TMEM117: variants seen among roughly 807,000 people sequenced by gnomAD.
TMEM117 encodes the protein transmembrane protein 117.
A neutral mutation model predicts 52.4 loss-of-function variants in TMEM117; 27 were observed. That is an observed-to-expected ratio of 0.51 (90% confidence interval 0.38 to 0.71). The LOEUF is 0.71. Ranked by LOEUF, TMEM117 falls within the 30% of genes least tolerant of loss-of-function variation. The probability of loss-of-function intolerance (pLI) is 0.00; values close to 1 mark genes in which losing one functional copy is unlikely to be tolerated. For missense variants in TMEM117, 556 were observed against 630.5 expected (o/e 0.88, Z 1.26); for synonymous variants, 215 against 206.3 (o/e 1.04, Z -0.36).
chr12:43,810,257 G>A, the TMEM117 span, among the ~76,000 whole-genome samples: 13 of 152,198 alleles, frequency 8.5e-5, no homozygotes, highest in Non-Finnish European at 1.8e-4. Context: ...AACATGTCAT[G>A]TGGGGTAGGA....
At chr12:43,837,567 G>A (rs576076803) in intron 1 of TMEM117, among the ~76,000 whole-genome samples, 46 of 152,182 alleles carry the variant, frequency 3.0e-4, no homozygotes, top group African/African-American at 1.0e-3. Flanking sequence ...GGCTGGTCTC[G>A]AACTCTTGAC....
chr12:44,304,237 G>C (rs1950877121), intron 6 of TMEM117, among the ~76,000 whole-genome samples: 1 of 152,188 alleles, frequency 6.6e-6, no homozygotes, highest in Non-Finnish European at 1.5e-5. Flanking sequence ...GGAACTTAGT[G>C]CTGCCTGTCA....
At position 44,244,492 on chromosome 12, in the gene TMEM117, T is replaced by A. The variant is rs151076578; in HGVS notation, c.608+33105T>A. 1.1e-4 allele frequency: 17 copies of A among 152,136 alleles called. No individual in the cohort carries two copies. The East Asian group carries it at 3.3e-3, about 29-fold the overall frequency. 9.4% of individuals were successfully genotyped at this position (152,136 alleles called of 1,614,324 possible). On this transcript the variant is annotated intron_variant, in intron 5 of 7. Coordinates refer to ENST00000266534, the MANE Select transcript of TMEM117 (RefSeq NM_032256.3). ...ATTCAACATTAGGCAAACTAATGTG[T>A]TTGTCTTTTTTGGATAAATGTCTGT...
At chr12:44,083,428 A>C (rs1592501557) in intron 3 of TMEM117, among the ~76,000 whole-genome samples, 1 of 104,906 alleles carries the variant, frequency 9.5e-6, no homozygotes, top group Non-Finnish European at 1.8e-5. Context: ...ACATGGTTTC[A>C]CTCTGTTGCC....
intron 6 of TMEM117, among the ~76,000 whole-genome samples, chr12:44,343,906 T>G (rs1447447499): frequency 6.6e-6 from 1 of 152,146 alleles, no homozygotes; most frequent in African/African-American, 2.4e-5. Flanking sequence ...TATGTTTGGC[T>G]GGCACTGAAG....
chr12:44,025,468 G>C (rs1462257753), intron 3 of TMEM117, among the ~76,000 whole-genome samples: 1 of 152,130 alleles, frequency 6.6e-6, no homozygotes, highest in African/African-American at 2.4e-5. Context: ...GAAAGATATG[G>C]AGGAATAGGT....
chr12:44,343,013 G>A (rs561602308), intron 6 of TMEM117, among the ~76,000 whole-genome samples: 145 of 151,462 alleles, frequency 9.6e-4, no homozygotes, highest in African/African-American at 3.2e-3. Context: ...AGCCTCCCGA[G>A]TAGCTGGGTT....
intron 2 of TMEM117, among the ~76,000 whole-genome samples, chr12:43,899,647 A>G (rs1944272060): frequency 1.3e-5 from 2 of 152,130 alleles, no homozygotes; most frequent in Non-Finnish European, 2.9e-5. Context: ...ATTTTTTTCA[A>G]ATGAGAATGT....
At chr12:44,006,929 A>G (rs959941848) in intron 3 of TMEM117, among the ~76,000 whole-genome samples, 1 of 152,178 alleles carries the variant, frequency 6.6e-6, no homozygotes, top group Non-Finnish European at 1.5e-5. Flanking sequence ...CATCACTTCT[A>G]AGGTCAAGTT....
chr12:44,183,197 TATC>T (rs1949230105), intron 4 of TMEM117, among the ~76,000 whole-genome samples: 1 of 152,220 alleles, frequency 6.6e-6, no homozygotes, highest in Non-Finnish European at 1.5e-5. Flanking sequence ...GGATAATTAT[TATC>T]TAATGACTAT....
the TMEM117 span, among the ~76,000 whole-genome samples, chr12:43,809,927 G>A: frequency 1.3e-5 from 2 of 152,136 alleles, no homozygotes; most frequent in African/African-American, 4.8e-5. Context: ...ATTCCTATCG[G>A]ACTCAGTGGT....
the TMEM117 span, chr12:43,798,503 G>A: frequency 9.8e-6 from 14 of 1,427,638 alleles, 1 homozygote; most frequent in South Asian, 2.0e-4. Context: ...AATGAATGGA[G>A]ATTCTACAGC....
intron 3 of TMEM117, among the ~76,000 whole-genome samples, chr12:44,007,553 A>T (rs1219543797): frequency 6.6e-6 from 1 of 152,060 alleles, no homozygotes; most frequent in Non-Finnish European, 1.5e-5. Flanking sequence ...TCCATAGGGG[A>T]TACATTCTAA....
intron 3 of TMEM117, among the ~76,000 whole-genome samples, chr12:44,025,046 A>G (rs1274241529): frequency 2.6e-5 from 4 of 152,180 alleles, no homozygotes; most frequent in African/African-American, 7.2e-5. Context: ...GACTCACTGT[A>G]TAGTAACTGA....
At chr12:43,849,149 A>G (rs973408430) in intron 2 of TMEM117, among the ~76,000 whole-genome samples, 1 of 152,232 alleles carries the variant, frequency 6.6e-6, no homozygotes, top group African/African-American at 2.4e-5. Flanking sequence ...ATCATGTCCT[A>G]CATAGTAATT....
In TMEM117 at chr12:44,388,820, G is replaced by C. The variant is rs1952133224; in HGVS notation, c.*148G>C. The C allele has an allele frequency of 1.2e-6, 1 of 843,750 alleles. No homozygotes were observed. The highest frequency in any genetic ancestry group is 1.8e-6 in the Non-Finnish European group (1 of 553,490). The allele number at this position is 843,750 out of a possible 1,614,324, so 52.3% of individuals were successfully genotyped here. On this transcript the variant is annotated 3_prime_UTR_variant, in exon 8 of 8. Coordinates refer to ENST00000266534, the MANE Select transcript of TMEM117 (RefSeq NM_032256.3). Reference sequence around the variant, plus strand: ...AACGGTGCTCAACATGCTTTTTCTAGGATTCATTGTTTTCTATTTGTATTA... The same window carrying C: ...AACGGTGCTCAACATGCTTTTTCTACGATTCATTGTTTTCTATTTGTATTA...
At chr12:44,252,830 G>A (rs570880890) in intron 5 of TMEM117, among the ~76,000 whole-genome samples, 1 of 152,166 alleles carries the variant, frequency 6.6e-6, no homozygotes, top group African/African-American at 2.4e-5. Flanking sequence ...CATTAAAGGG[G>A]CAGTATGGAC....
chr12:44,397,116 G>A, the TMEM117 span, among the ~76,000 whole-genome samples: 50 of 152,256 alleles, frequency 3.3e-4, no homozygotes, highest in African/African-American at 6.5e-4. Context: ...GGAGGCCCAC[G>A]GTAGGGAGTG....
chr12:43,968,305 A>G (rs1039573193), intron 3 of TMEM117, among the ~76,000 whole-genome samples: 3 of 152,230 alleles, frequency 2.0e-5, no homozygotes, highest in Admixed American at 2.0e-4. Flanking sequence ...CAAGTCTGTC[A>G]GTATGGTCTT....
Sources: allele counts gnomAD v4.1 joint callset (sites outside exome capture counted in the v4.1 genomes callset), GRCh38; gene constraint gnomAD v4.1.1; transcripts MANE v1.5; gene names NCBI Gene and HGNC (gene_info 2026-07-23, HGNC 2026-07-21).